RHO: variants seen among roughly 807,000 people sequenced by gnomAD.
The protein encoded by RHO is opsin 2, rod pigment.
A neutral mutation model predicts 31.2 loss-of-function variants in RHO; 21 were observed. That is an observed-to-expected ratio of 0.67 (90% CI 0.48 to 0.97). The LOEUF is 0.97. Ranked by LOEUF, RHO falls within the 50% of genes least tolerant of loss-of-function variation. RHO has a pLI of 0.00. For missense variants in RHO, 414 were observed against 479.5 expected, an observed-to-expected ratio of 0.86 and a Z score of 1.28; for synonymous variants, 211 against 196.6, an observed-to-expected ratio of 1.07 and a Z score of -0.61.
At chr3:129,530,777 T>G (rs1200252369) in intron 1 of RHO, 99 bp from the exon 2 acceptor site, 1 of 1,464,462 alleles carries the variant, frequency 6.8e-7, no homozygotes, top group Non-Finnish European at 9.6e-7. Flanking sequence ...CCTCTCCCAC[T>G]CCTGGTTGCC....
intron 1 of RHO, among the ~76,000 whole-genome samples, chr3:129,530,181 G>C (rs2084768529): frequency 6.6e-6 from 1 of 152,116 alleles, no homozygotes; most frequent in African/African-American, 2.4e-5. Flanking sequence ...TTCTCTGCAG[G>C]GTCAGTCCCA....
chr3:129,530,778 C>G, intron 1 of RHO, 98 bp from the exon 2 acceptor site: 1 of 1,467,758 alleles, frequency 6.8e-7, no homozygotes, highest in South Asian at 1.1e-5. Flanking sequence ...CTCTCCCACT[C>G]CTGGTTGCCT....
intron 1 of RHO, among the ~76,000 whole-genome samples, chr3:129,530,105 T>C (rs1047117281): frequency 6.6e-6 from 1 of 152,192 alleles, no homozygotes; most frequent in African/African-American, 2.4e-5. Context: ...GGGTGTTTGT[T>C]GCATTCAATA....
Position 129,532,420 on chromosome 3 carries a change from C to T in RHO, c.696+4C>T, listed in dbSNP as rs56340615. On this transcript the variant is annotated splice_donor_region_variant and intron_variant, in intron 3 of 4. Coordinates refer to ENST00000296271, the MANE Select transcript of RHO (RefSeq NM_000539.3). This position sits in a 1 kb window ranked among gnomAD's most constrained non-coding sequence, Gnocchi z 5.5. ...GCTCGTCTTCACCGTCAAGGAGGTA[C>T]GGGCCGGGGGGTGGGCGGCCTCACG... The T allele has an allele frequency of 0.085, 136,699 of 1,613,784 alleles. 6,274 individuals are homozygous for T. Among genetic ancestry groups the T allele is most frequent in the Middle Eastern group, 0.13 (763 of 6,062 alleles).
At position 129,531,000 on chromosome 3, in the gene RHO, C is replaced by G. The variant is rs765193154; in HGVS notation, c.486C>G (p.Val162=). Residue 162 remains valine (V), a synonymous_variant, in exon 2 of 5, where the codon GTC becomes GTG. Coordinates refer to ENST00000296271, the MANE Select transcript of RHO (RefSeq NM_000539.3). ...HAIMGVAFTW[V]MALACAAPPL... Reference sequence around the variant, plus strand: ...TCATGGGCGTTGCCTTCACCTGGGTCATGGCGCTGGCCTGCGCCGCACCCC... The same window carrying G: ...TCATGGGCGTTGCCTTCACCTGGGTGATGGCGCTGGCCTGCGCCGCACCCC... 5 of 1,614,258 alleles carry G rather than the reference C, an allele frequency of 3.1e-6. No individual in the cohort carries two copies. Among genetic ancestry groups the G allele is most frequent in the Non-Finnish European group, 8.5e-7 (1 of 1,180,050 alleles).
Position 129,532,287 on chromosome 3 carries a change from C to T in RHO, c.567C>T (p.Ile189=), listed in dbSNP as rs761562089. 6.2e-6 allele frequency: 10 copies of T among 1,614,078 alleles called. No individual in the cohort carries two copies. Among genetic ancestry groups the T allele is most frequent in the Middle Eastern group, 1.6e-4 (1 of 6,062 alleles). ...AGGGCCTGCAGTGCTCGTGTGGAAT[C>T]GACTACTACACGCTCAAGCCGGAGG... The part of the protein sequence containing the change: ...IPEGLQCSCG[I]DYYTLKPEVN... Residue 189 remains isoleucine (I), a synonymous_variant, in exon 3 of 5, where the codon ATC becomes ATT. Transcript: ENST00000296271. The surrounding 1 kb of genome is among the most constrained non-coding windows in gnomAD (Gnocchi z 5.5).
Position 129,532,197 on chromosome 3 carries a change from T to G in RHO, c.531-54T>G. The G allele has an allele frequency of 6.6e-7, 1 of 1,519,846 alleles. No homozygotes were observed. The highest frequency in any genetic ancestry group is 1.1e-5 in the South Asian group (1 of 89,194). 94.1% of individuals were successfully genotyped at this position (1,519,846 alleles called of 1,614,324 possible). On this transcript the variant is annotated intron_variant, in intron 2 of 4. Transcript: ENST00000296271. This position sits in a 1 kb window ranked among gnomAD's most constrained non-coding sequence, Gnocchi z 5.5. The stretch of plus-strand genomic sequence containing the variant: ...AAAGGGCCAGCGCTCGGCAGCCACC[T>G]TGGCTGTTCCCAAGTCCCTCACAGG...
chr3:129,531,142 C>T, intron 2 of RHO, 98 bp downstream of exon 2: 1 of 1,395,752 alleles, frequency 7.2e-7, no homozygotes, highest in African/African-American at 1.4e-5. Context: ...CAGGCACTGA[C>T]CTTGTATGTC....
In RHO at chr3:129,530,872, G is replaced by A; in HGVS notation, c.362-4G>A. Reference sequence around the variant, plus strand: ...GTGCTGACCGCCTGCTGACTGCCTTGCAGGTGAAATTGCCCTGTGGTCCTT... The same window carrying A: ...GTGCTGACCGCCTGCTGACTGCCTTACAGGTGAAATTGCCCTGTGGTCCTT... On this transcript the variant is annotated splice_region_variant and splice_polypyrimidine_tract_variant and intron_variant, in intron 1 of 4. Coordinates refer to ENST00000296271, the MANE Select transcript of RHO (RefSeq NM_000539.3). The A allele has an allele frequency of 1.2e-6, 2 of 1,614,230 alleles. No homozygotes were observed. The highest frequency in any genetic ancestry group is 1.7e-6 in the Non-Finnish European group (2 of 1,180,042).
At chr3:129,533,550 C>T in intron 4 of RHO, 58 bp from the exon 5 acceptor site, 2 of 1,277,398 alleles carry the variant, frequency 1.6e-6, no homozygotes, top group Admixed American at 1.7e-5. Flanking sequence ...CACTAACGTG[C>T]CAGTTCCAAG....
rs778626065 is a variant in RHO, at chr3:129,530,923, G to A, written c.409G>A (p.Val137Met). The change falls in exon 2 of 5, where the codon GTG (valine) becomes ATG (methionine). Residue 137 changes from valine to methionine, a missense_variant. Transcript: ENST00000296271. ...GGTGGTCCTGGCCATCGAGCGGTAC[G>A]TGGTGGTGTGTAAGCCCATGAGCAA... The part of the protein sequence containing the change: ...SLVVLAIERY[V>M]VVCKPMSNFR... 11 of 1,614,154 alleles carry A rather than the reference G, an allele frequency of 6.8e-6. No homozygotes were observed. In the East Asian group the frequency reaches 8.9e-5, roughly 13 times the overall value.
rs1578278438 is a variant in RHO at position 129,529,061 on chromosome 3, T to C, written c.328T>C (p.Cys110Arg). The C allele has an allele frequency of 1.2e-6, 2 of 1,613,484 alleles. No individual in the cohort carries two copies. The highest frequency in any genetic ancestry group is 1.7e-6 in the Non-Finnish European group (2 of 1,179,460). The change falls in exon 1 of 5, where the codon TGC (cysteine) becomes CGC (arginine). Residue 110 changes from cysteine to arginine, a missense_variant. Cys to Arg is a radical substitution (Grantham distance 180, BLOSUM62 -3). Coordinates refer to ENST00000296271, the MANE Select transcript of RHO (RefSeq NM_000539.3). ...HGYFVFGPTGCNLEGFFATLG... is the reference protein window; with the variant it reads ...HGYFVFGPTGRNLEGFFATLG... ...ATACTTCGTCTTCGGGCCCACAGGATGCAATTTGGAGGGCTTCTTTGCCAC... is the reference window on the plus strand; with the variant it reads ...ATACTTCGTCTTCGGGCCCACAGGACGCAATTTGGAGGGCTTCTTTGCCAC...
At chr3:129,530,533 A>AACAC (rs60120581) in intron 1 of RHO, among the ~76,000 whole-genome samples, 9,298 of 122,804 alleles carry the variant, frequency 0.076, 388 homozygotes, top group Middle Eastern at 0.089. Context: ...ACACACACAC[A>AACAC]ACACACACAC....
chr3:129,531,899 CA>C (rs1384632793), intron 2 of RHO, among the ~76,000 whole-genome samples: 2 of 152,198 alleles, frequency 1.3e-5, no homozygotes, highest in Admixed American at 6.5e-5. Context: ...TCGGTTTGTA[CA>C]AACTTCCTCA....
At chr3:129,531,075 C>T (rs895760966) in intron 2 of RHO, 31 bp downstream of exon 2, 5 of 1,608,602 alleles carry the variant, frequency 3.1e-6, no homozygotes, top group Non-Finnish European at 8.5e-7. Context: ...GGAAGAAGCT[C>T]CGGGGGCTCT....
Position 129,528,934 on chromosome 3 carries a change from G to A in RHO, c.201G>A (p.Lys67=), listed in dbSNP as rs763566456. Residue 67 remains lysine, a synonymous_variant, in exon 1 of 5, where the codon AAG becomes AAA. Coordinates refer to ENST00000296271, the MANE Select transcript of RHO (RefSeq NM_000539.3). ...LTLYVTVQHK[K]LRTPLNYILL... ...TCTACGTCACCGTCCAGCACAAGAA[G>A]CTGCGCACGCCTCTCAACTACATCC... The A allele has an allele frequency of 6.2e-7, 1 of 1,614,246 alleles. No homozygotes were observed. Among genetic ancestry groups the A allele is most frequent in the Non-Finnish European group, 8.5e-7 (1 of 1,180,046 alleles).
In RHO at chr3:129,535,012, A is replaced by G. The variant is rs1047324551; in HGVS notation, c.*1294A>G. The G allele has an allele frequency of 2.6e-5, 4 of 152,628 alleles. No homozygotes were observed. The highest frequency in any genetic ancestry group is 4.4e-5 in the Non-Finnish European group (3 of 68,038). 9.5% of individuals were successfully genotyped at this position (152,628 alleles called of 1,614,324 possible). A position where few individuals can be genotyped will look rare whatever the true frequency, so the allele number is the denominator to read the frequency against. On this transcript the variant is annotated 3_prime_UTR_variant, in exon 5 of 5. Coordinates refer to ENST00000296271, the MANE Select transcript of RHO (RefSeq NM_000539.3). Reference sequence around the variant, plus strand: ...TCCATTCTGGAGAATCTGCTCCAAAAAGCTGGCCACATCTCTGAGGTGTCA... The same window carrying G: ...TCCATTCTGGAGAATCTGCTCCAAAGAGCTGGCCACATCTCTGAGGTGTCA...
intron 1 of RHO, 27 bp downstream of exon 1, chr3:129,529,121 G>T (rs369851208): frequency 6.9e-5 from 110 of 1,602,818 alleles, no homozygotes; most frequent in Admixed American, 1.5e-4. Flanking sequence ...GGTGGGGTGT[G>T]CAGGAGCCCG....
chr3:129,531,107 A>G, intron 2 of RHO, 63 bp downstream of exon 2: 2 of 1,583,418 alleles, frequency 1.3e-6, no homozygotes, highest in South Asian at 1.1e-5. Context: ...TCCAGTCAGG[A>G]CTCAAACCCA....
Sources: gnomAD v4.1 joint callset for allele counts (sites outside exome capture counted in the v4.1 genomes callset) on GRCh38, gnomAD v4.1.1 for gene constraint, Gnocchi (gnomAD v3.1) non-coding constraint, MANE v1.5 for transcripts, NCBI Gene and HGNC (gene_info 2026-07-23, HGNC 2026-07-21) for gene names.